Variants in PDE4D observed in about 807,000 individuals in gnomAD.
PDE4D encodes phosphodiesterase 4D, also known as 3',5'-cyclic-AMP phosphodiesterase 4D.
PDE4D carries 24 observed loss-of-function variants against 87.4 expected under a neutral mutation model. That is an observed-to-expected ratio of 0.27 (90% confidence interval 0.20 to 0.39). PDE4D has a LOEUF of 0.39. Ranked by LOEUF, PDE4D falls within the 10% of genes least tolerant of loss-of-function variation. The pLI, the probability that PDE4D is intolerant of heterozygous loss-of-function variation, is 1.00. For missense variants in PDE4D, 714 were observed against 1,041.0 expected, an observed-to-expected ratio of 0.69 and a Z score of 4.32; for synonymous variants, 384 against 383.2, an observed-to-expected ratio of 1.00 and a Z score of -0.02.
Position 59,157,466 on chromosome 5 carries a change from C to T in PDE4D, c.808+23129G>A, listed in dbSNP as rs373731739. The T allele has an allele frequency of 2.6e-4, 165 of 641,474 alleles. 3 individuals are homozygous for T. In the Middle Eastern group the frequency reaches 4.7e-3, roughly 18 times the overall value. The allele number at this position is 641,474 out of a possible 1,614,324, so 39.7% of individuals were successfully genotyped here. ...TACTATTGTAAACCACTTGAATTTA[C>T]GACTAAGTTTCCAATCATTTAAAAA... On this transcript the variant is annotated intron_variant, in intron 5 of 14. Coordinates refer to ENST00000340635, the MANE Select transcript of PDE4D (RefSeq NM_001104631.2).
chr5:60,053,087 T>C (rs182687781), intron 2 of PDE4D, among the ~76,000 whole-genome samples: 173 of 152,260 alleles, frequency 1.1e-3, no homozygotes, highest in Admixed American at 2.1e-3. Flanking sequence ...ATAAAAAGAA[T>C]CAGTATCATG....
intron 1 of PDE4D, among the ~76,000 whole-genome samples, chr5:59,697,073 A>C (rs1335219857): frequency 6.6e-6 from 1 of 152,178 alleles, no homozygotes; most frequent in Non-Finnish European, 1.5e-5. Context: ...TAGTTTTGCT[A>C]ATCTTGAGGA....
At chr5:60,104,791 C>CA (rs1776682376) in intron 2 of PDE4D, among the ~76,000 whole-genome samples, 1 of 152,202 alleles carries the variant, frequency 6.6e-6, no homozygotes, top group Non-Finnish European at 1.5e-5. Flanking sequence ...AACAGACCTG[C>CA]AGCTGAGGGT....
At chr5:60,321,823 A>G (rs1248351083) in intron 1 of PDE4D, among the ~76,000 whole-genome samples, 1 of 152,212 alleles carries the variant, frequency 6.6e-6, no homozygotes, top group African/African-American at 2.4e-5. Context: ...GGCCAATGCA[A>G]ATCAAAACCA....
At chr5:60,022,084 G>C (rs1766125294) in intron 2 of PDE4D, among the ~76,000 whole-genome samples, 1 of 152,236 alleles carries the variant, frequency 6.6e-6, no homozygotes, top group South Asian at 2.1e-4. Context: ...CTGTATTAAT[G>C]GCTGCTGTAT....
chr5:59,507,861 A>C (rs1809567528), intron 1 of PDE4D, among the ~76,000 whole-genome samples: 1 of 152,068 alleles, frequency 6.6e-6, no homozygotes, highest in African/African-American at 2.4e-5. Flanking sequence ...GGGCTTCTAC[A>C]GCTTAGCAAT....
chr5:60,289,077 T>C (rs1351333834), intron 1 of PDE4D, among the ~76,000 whole-genome samples: 2 of 152,178 alleles, frequency 1.3e-5, no homozygotes, highest in Non-Finnish European at 2.9e-5. Flanking sequence ...GAGAACACCG[T>C]CACTACGTTT....
At chr5:60,304,794 T>C (rs1055145364) in intron 1 of PDE4D, among the ~76,000 whole-genome samples, 2 of 151,650 alleles carry the variant, frequency 1.3e-5, no homozygotes, top group African/African-American at 4.9e-5. Context: ...AGCTGAATGA[T>C]CAAAAGCCAA....
chr5:60,521,394 G>A (rs932035199), intron 1 of PDE4D: 2 of 152,120 alleles, frequency 1.3e-5, no homozygotes, highest in East Asian at 1.9e-4. Context: ...CGATGTGATC[G>A]TTTCAGGCTT....
At chr5:59,098,958 G>T (rs901307455) in intron 5 of PDE4D, among the ~76,000 whole-genome samples, 3 of 152,110 alleles carry the variant, frequency 2.0e-5, no homozygotes, top group Admixed American at 6.5e-5. Flanking sequence ...AGTGCTTCTA[G>T]GCAGGAGCTC....
At chr5:59,465,937 C>T (rs551623920) in intron 1 of PDE4D, among the ~76,000 whole-genome samples, 125 of 152,208 alleles carry the variant, frequency 8.2e-4, no homozygotes, top group Non-Finnish European at 1.1e-3. Context: ...ACGTTTGGTA[C>T]GAGAGCAACA....
At chr5:59,210,160 G>A (rs113376991) in intron 2 of PDE4D, among the ~76,000 whole-genome samples, 2,531 of 152,292 alleles carry the variant, frequency 0.017, 77 homozygotes, top group African/African-American at 0.056. Context: ...GTTCATTAGT[G>A]TAATATTATC....
chr5:59,199,844 G>A (rs1213068431), intron 2 of PDE4D, among the ~76,000 whole-genome samples: 1 of 151,504 alleles, frequency 6.6e-6, no homozygotes, highest in Non-Finnish European at 1.5e-5. Context: ...ATGTGTATAT[G>A]TATATATACA....
chr5:59,188,300 A>G (rs932553092), intron 3 of PDE4D, among the ~76,000 whole-genome samples: 2 of 152,166 alleles, frequency 1.3e-5, no homozygotes, highest in South Asian at 2.1e-4. Context: ...TAGCCAGTCA[A>G]TGTCAAAATT....
intron 2 of PDE4D, among the ~76,000 whole-genome samples, chr5:60,121,509 G>A (rs1778680277): frequency 6.6e-6 from 1 of 152,044 alleles, no homozygotes; most frequent in Admixed American, 6.6e-5. Flanking sequence ...ACAAGTTGGT[G>A]GCAAGAGAAA....
intron 1 of PDE4D, among the ~76,000 whole-genome samples, chr5:60,238,554 T>A (rs1562247777): frequency 6.6e-6 from 1 of 152,022 alleles, no homozygotes; most frequent in Admixed American, 6.6e-5. Context: ...TTCTTAAAAC[T>A]GGTTGGTATG....
At chr5:59,749,265 GTTTC>G (rs1760078626) in intron 1 of PDE4D, among the ~76,000 whole-genome samples, 1 of 151,910 alleles carries the variant, frequency 6.6e-6, no homozygotes, top group Non-Finnish European at 1.5e-5. Context: ...TGTTGTTGTT[GTTTC>G]TTTGTTTTTG....
At chr5:59,776,917 A>G (rs1404028725) in intron 1 of PDE4D, among the ~76,000 whole-genome samples, 1 of 152,138 alleles carries the variant, frequency 6.6e-6, no homozygotes, top group African/African-American at 2.4e-5. Context: ...GTTGAATACA[A>G]CTAAATGGGG....
At chr5:59,242,971 G>C (rs1757978943) in intron 1 of PDE4D, among the ~76,000 whole-genome samples, 1 of 152,042 alleles carries the variant, frequency 6.6e-6, no homozygotes, top group Non-Finnish European at 1.5e-5. Context: ...AATGAATCAG[G>C]GTCTTAGGGA....
Sources: allele counts gnomAD v4.1 joint callset (sites outside exome capture counted in the v4.1 genomes callset), GRCh38; gene constraint gnomAD v4.1.1; transcripts MANE v1.5; gene names NCBI Gene and HGNC (gene_info 2026-07-23, HGNC 2026-07-21).